The following LRRC75A variants were observed in gnomAD, a reference collection of about 807,000 sequenced individuals.
LRRC75A encodes leucine rich repeat containing 75A, also known as leucine-rich repeat-containing protein 75A.
LRRC75A carries 12 observed loss-of-function variants against 26.0 expected under a neutral mutation model. That is an observed-to-expected ratio of 0.46 (90% CI 0.30 to 0.75). The LOEUF (loss-of-function observed/expected upper bound fraction) is 0.75. LRRC75A is among the 30% of genes least tolerant of loss of function. The pLI is 0.08. For synonymous variants in LRRC75A, 223 were observed against 219.3 expected, an observed-to-expected ratio of 1.02 and a Z score of -0.15; for missense variants, 410 against 486.6, an observed-to-expected ratio of 0.84 and a Z score of 1.48.
chr17:16,462,036 T>C lies in LRRC75A; in HGVS notation c.375+222A>G, dbSNP rs1193159080. On this transcript the variant is annotated intron_variant, in intron 2 of 3. Transcript: ENST00000470794. The surrounding 1 kb of genome is among the most constrained non-coding windows in gnomAD (Gnocchi z 4.6). ...AATACAGGGATCATGTGAAAAATTC[T>C]GGTTTTTAAATGTTGGCAATGAATT... 6.6e-6 allele frequency among the ~76,000 whole-genome samples: 1 copy of C among 152,232 alleles called. No individual in the cohort carries two copies. The highest frequency in any genetic ancestry group is 2.4e-5 in the African/African-American group (1 of 41,452).
chr17:16,479,161 T>G (rs1218227719), intron 1 of LRRC75A, among the ~76,000 whole-genome samples: 2 of 152,222 alleles, frequency 1.3e-5, no homozygotes, highest in African/African-American at 2.4e-5. Context: ...TTAGATTCTG[T>G]CTGATCCTCT....
intron 2 of LRRC75A, among the ~76,000 whole-genome samples, chr17:16,454,991 G>A (rs2093665446): frequency 6.6e-6 from 1 of 151,610 alleles, no homozygotes; most frequent in African/African-American, 2.4e-5. Flanking sequence ...GGAGTACAGT[G>A]GCACCATCTC....
intron 2 of LRRC75A, among the ~76,000 whole-genome samples, chr17:16,453,457 A>G (rs1204899254): frequency 6.6e-6 from 1 of 152,136 alleles, no homozygotes; most frequent in East Asian, 1.9e-4. Context: ...TGTATCTGCC[A>G]CTACCAGGGA....
Position 16,491,914 on chromosome 17 carries a change from C to T in LRRC75A, c.77G>A (p.Arg26Gln). 1.6e-6 allele frequency: 2 copies of T among 1,270,922 alleles called. No homozygotes were observed. Among genetic ancestry groups the T allele is most frequent in the Non-Finnish European group, 2.0e-6 (2 of 1,011,246 alleles). 78.7% of individuals were successfully genotyped at this position (1,270,922 alleles called of 1,614,324 possible). A position where few individuals can be genotyped will look rare whatever the true frequency, so the allele number is the denominator to read the frequency against. The change falls in exon 1 of 4, where the codon CGG (arginine) becomes CAG (glutamine). Residue 26 changes from arginine (R) to glutamine (Q), a missense_variant. Coordinates refer to ENST00000470794, the MANE Select transcript of LRRC75A (RefSeq NM_001113567.3). This position sits in a 1 kb window ranked among gnomAD's most constrained non-coding sequence, Gnocchi z 5.9. ...PGAAPGPRRE[R>Q]PDFWASLLLR... ...CAGCAGCGACGCCCAGAAGTCCGGC[C>T]GTTCGCGTCGGGGGCCCGGCGCGGC...
intron 1 of LRRC75A, among the ~76,000 whole-genome samples, chr17:16,473,342 A>G (rs2093812207): frequency 6.6e-6 from 1 of 152,146 alleles, no homozygotes; most frequent in South Asian, 2.1e-4. Context: ...CAACTGCTAC[A>G]TCCCCTCCCC....
At chr17:16,445,386 C>T (rs1230628143) in intron 3 of LRRC75A, among the ~76,000 whole-genome samples, 1 of 151,862 alleles carries the variant, frequency 6.6e-6, no homozygotes, top group African/African-American at 2.4e-5. Context: ...AGGATGGTCT[C>T]GATCTCCTGA....
At chr17:16,456,885 C>G (rs553309787) in intron 2 of LRRC75A, among the ~76,000 whole-genome samples, 1 of 152,312 alleles carries the variant, frequency 6.6e-6, no homozygotes, top group Non-Finnish European at 1.5e-5. Context: ...TTGCAGTCCT[C>G]CCCCGATCCC....
intron 1 of LRRC75A, among the ~76,000 whole-genome samples, chr17:16,484,430 G>A (rs1206396187): frequency 6.6e-6 from 1 of 152,172 alleles, no homozygotes. Context: ...GGACTAGAAA[G>A]CCATGTGCAG....
At position 16,443,513 on chromosome 17, in the gene LRRC75A, G is replaced by A; in HGVS notation, c.*75C>T. 2 of 1,361,980 alleles carry A rather than the reference G, an allele frequency of 1.5e-6. No individual in the cohort carries two copies. The highest frequency in any genetic ancestry group is 2.5e-5 in the East Asian group (1 of 39,414). 84.4% of individuals were successfully genotyped at this position (1,361,980 alleles called of 1,614,324 possible). ...GCAATATCCTTAACCCACCTGATAG[G>A]AGAAGCGCCCTCCCCTGCCTGCCTT... On this transcript the variant is annotated 3_prime_UTR_variant, in exon 4 of 4. Transcript: ENST00000470794.
chr17:16,466,202 C>T (rs1008918903), intron 1 of LRRC75A, among the ~76,000 whole-genome samples: 1 of 152,220 alleles, frequency 6.6e-6, no homozygotes, highest in African/African-American at 2.4e-5. Context: ...TCACCAGCTG[C>T]TGGGACTACC....
intron 2 of LRRC75A, among the ~76,000 whole-genome samples, chr17:16,456,755 C>T (rs776120830): frequency 6.6e-6 from 1 of 152,208 alleles, no homozygotes; most frequent in Non-Finnish European, 1.5e-5. Context: ...CACAAGACAC[C>T]TCGATATCTG....
intron 2 of LRRC75A, among the ~76,000 whole-genome samples, chr17:16,451,935 C>CGG (rs35162815): frequency 4.6e-5 from 7 of 150,570 alleles, no homozygotes; most frequent in African/African-American, 1.5e-4. Context: ...TTAGTAGAGA[C>CGG]GGGGGGTCTC....
At chr17:16,473,352 C>G (rs974762800) in intron 1 of LRRC75A, among the ~76,000 whole-genome samples, 1 of 152,152 alleles carries the variant, frequency 6.6e-6, no homozygotes, top group Non-Finnish European at 1.5e-5. Context: ...ATCCCCTCCC[C>G]CTAACAAAAC....
intron 1 of LRRC75A, among the ~76,000 whole-genome samples, chr17:16,465,522 A>G (rs549334085): frequency 1.3e-5 from 2 of 152,352 alleles, no homozygotes; most frequent in African/African-American, 2.4e-5. Flanking sequence ...GGTTACAAAC[A>G]AATGAACGCA....
At chr17:16,455,058 G>A (rs1359390358) in intron 2 of LRRC75A, among the ~76,000 whole-genome samples, 4 of 151,820 alleles carry the variant, frequency 2.6e-5, no homozygotes, top group East Asian at 3.9e-4. Context: ...TTAGCCTCCC[G>A]AGTAGCTGGG....
At position 16,443,580 on chromosome 17, in the gene LRRC75A, C is replaced by T; in HGVS notation, c.*8G>A. The T allele has an allele frequency of 6.6e-7, 1 of 1,508,548 alleles. No individual in the cohort carries two copies. The highest frequency in any genetic ancestry group is 8.9e-7 in the Non-Finnish European group (1 of 1,119,722). 93.4% of individuals were successfully genotyped at this position (1,508,548 alleles called of 1,614,324 possible). On this transcript the variant is annotated 3_prime_UTR_variant, in exon 4 of 4. Transcript: ENST00000470794. ...AAGGACTCCCTGGTGAGGCCCTTCA[C>T]TTCCATGTCACGTCTGAGCTGCAGC...
chr17:16,474,974 C>CCGTT (rs962816938), intron 1 of LRRC75A, among the ~76,000 whole-genome samples: 1 of 142,464 alleles, frequency 7.0e-6, no homozygotes, highest in African/African-American at 2.7e-5. Context: ...CCAGCCTGGG[C>CCGTT]AACGGTGCAA....
intron 2 of LRRC75A, among the ~76,000 whole-genome samples, chr17:16,452,551 CT>C (rs2143015522): frequency 6.6e-6 from 1 of 152,132 alleles, no homozygotes; most frequent in East Asian, 1.9e-4. Context: ...GATTCTCCTG[CT>C]TCAGCCTCCC....
rs1185980610 is a variant in LRRC75A at position 16,443,390 on chromosome 17, G to A, written c.*198C>T. 1.8e-6 allele frequency: 1 copy of A among 548,366 alleles called. No individual in the cohort carries two copies. The highest frequency in any genetic ancestry group is 2.8e-5 in the South Asian group (1 of 35,484). 34.0% of individuals were successfully genotyped at this position (548,366 alleles called of 1,614,324 possible). A position where few individuals can be genotyped will look rare whatever the true frequency, so the allele number is the denominator to read the frequency against. ...CAAATGGCAGATAATGGGATAGGGGGCAGATGCAGAGGACCAACGGGAAGT... is the reference window on the plus strand; with the variant it reads ...CAAATGGCAGATAATGGGATAGGGGACAGATGCAGAGGACCAACGGGAAGT... On this transcript the variant is annotated 3_prime_UTR_variant, in exon 4 of 4. Coordinates refer to ENST00000470794, the MANE Select transcript of LRRC75A (RefSeq NM_001113567.3).
Sources: allele counts gnomAD v4.1 joint callset (sites outside exome capture counted in the v4.1 genomes callset), GRCh38; gene constraint gnomAD v4.1.1; non-coding constraint Gnocchi (gnomAD v3.1); transcripts MANE v1.5; gene names NCBI Gene and HGNC (gene_info 2026-07-23, HGNC 2026-07-21).